Variants in ZFPM2 observed in about 807,000 individuals in gnomAD.
ZFPM2 encodes the protein zinc finger protein ZFPM2.
ZFPM2 carries 20 observed loss-of-function variants against 98.6 expected under a neutral mutation model. That is an observed-to-expected ratio of 0.20 (90% CI 0.14 to 0.29). ZFPM2 has a LOEUF of 0.29. Among genes scored for constraint, ZFPM2 ranks in the 10% least tolerant of loss-of-function variants. The pLI, the probability that ZFPM2 is intolerant of heterozygous loss-of-function variation, is 1.00. For synonymous variants in ZFPM2, 518 were observed against 502.7 expected (o/e 1.03, Z -0.41); for missense variants, 1,310 against 1,388.6 (o/e 0.94, Z 0.90).
chr8:105,350,620 G>T (rs1196919570), intron 1 of ZFPM2, among the ~76,000 whole-genome samples: 1 of 152,098 alleles, frequency 6.6e-6, no homozygotes, highest in Non-Finnish European at 1.5e-5. Flanking sequence ...AAACTTGGTA[G>T]GCAATTGTAA....
chr8:105,660,153 T>A (rs189649424), intron 5 of ZFPM2, among the ~76,000 whole-genome samples: 144 of 152,048 alleles, frequency 9.5e-4, no homozygotes, highest in African/African-American at 3.2e-3. Context: ...TTTTTTTTTT[T>A]ATTAAACTTA....
At chr8:105,511,067 T>A (rs1467017996) in intron 3 of ZFPM2, among the ~76,000 whole-genome samples, 3 of 152,180 alleles carry the variant, frequency 2.0e-5, no homozygotes, top group African/African-American at 7.2e-5. Flanking sequence ...CACTCAGGAA[T>A]GCTGTCTCTG....
chr8:105,575,109 A>T (rs1362306231), intron 4 of ZFPM2, among the ~76,000 whole-genome samples: 1 of 152,194 alleles, frequency 6.6e-6, no homozygotes, highest in Non-Finnish European at 1.5e-5. Flanking sequence ...AGACATGTGC[A>T]CAAGTGTCCC....
chr8:105,739,853 A>G (rs746692033), intron 5 of ZFPM2, among the ~76,000 whole-genome samples: 6 of 152,048 alleles, frequency 3.9e-5, no homozygotes, highest in Non-Finnish European at 7.4e-5. Flanking sequence ...AAGAAAAGCA[A>G]TGCCCATACA....
In ZFPM2 at chr8:105,623,497, T is replaced by G. The variant is rs141085388; in HGVS notation, c.421-10749T>G. 4.3e-3 allele frequency among the ~76,000 whole-genome samples: 648 copies of G among 152,310 alleles called. 24 individuals are homozygous for G. Among genetic ancestry groups the G allele is most frequent in the Admixed American group, 0.039 (600 of 15,278 alleles). ...AAAATTGTATATTTGCTTTTAAAATTTACTATATTAATATCGGGATTCAGA... is the reference window on the plus strand; with the variant it reads ...AAAATTGTATATTTGCTTTTAAAATGTACTATATTAATATCGGGATTCAGA... On this transcript the variant is annotated intron_variant, in intron 4 of 7. Transcript: ENST00000407775.
intron 3 of ZFPM2, among the ~76,000 whole-genome samples, chr8:105,557,628 A>G (rs1815028401): frequency 6.6e-6 from 1 of 152,236 alleles, no homozygotes; most frequent in African/African-American, 2.4e-5. Context: ...ATCCAGGTTC[A>G]GGCTTGTTTT....
At chr8:105,324,487 C>G (rs549854658) in intron 1 of ZFPM2, among the ~76,000 whole-genome samples, 1 of 151,578 alleles carries the variant, frequency 6.6e-6, no homozygotes, top group African/African-American at 2.4e-5. Context: ...AAAAAAGAAA[C>G]GAAAGTCTAA....
chr8:105,491,298 A>G (rs1157358794), intron 3 of ZFPM2, among the ~76,000 whole-genome samples: 2 of 151,722 alleles, frequency 1.3e-5, no homozygotes, highest in Admixed American at 6.6e-5. Context: ...TAAGAAGCAC[A>G]ATAATAATAA....
chr8:105,323,329 CAAAT>C (rs1812061977), intron 1 of ZFPM2, among the ~76,000 whole-genome samples: 1 of 151,468 alleles, frequency 6.6e-6, no homozygotes, highest in Non-Finnish European at 1.5e-5. Context: ...TGTTTTGAAA[CAAAT>C]AAGTTATTTT....
At chr8:105,628,750 A>T (rs1433654769) in intron 4 of ZFPM2, among the ~76,000 whole-genome samples, 1 of 151,998 alleles carries the variant, frequency 6.6e-6, no homozygotes, top group Non-Finnish European at 1.5e-5. Context: ...ACTGAGAGCC[A>T]CTTTCGTAGA....
chr8:105,579,269 C>T (rs779903288), intron 4 of ZFPM2, among the ~76,000 whole-genome samples: 27 of 151,956 alleles, frequency 1.8e-4, no homozygotes, highest in East Asian at 3.9e-4. Flanking sequence ...TATTTCTGTT[C>T]GTAATTTGTC....
intron 3 of ZFPM2, among the ~76,000 whole-genome samples, chr8:105,526,071 T>C (rs998071631): frequency 5.3e-5 from 8 of 152,222 alleles, no homozygotes; most frequent in Non-Finnish European, 8.8e-5. Context: ...TAATGTATTA[T>C]ATTTTTATAG....
intron 5 of ZFPM2, among the ~76,000 whole-genome samples, chr8:105,690,724 A>T (rs1810860036): frequency 6.6e-6 from 1 of 152,132 alleles, no homozygotes; most frequent in Non-Finnish European, 1.5e-5. Context: ...GTCTTTTATG[A>T]GCCACCAAAC....
intron 3 of ZFPM2, among the ~76,000 whole-genome samples, chr8:105,478,340 G>GA (rs896813144): frequency 7.4e-4 from 113 of 152,248 alleles, no homozygotes; most frequent in African/African-American, 2.5e-3. Context: ...AAATTGTACT[G>GA]AAAAAATGCT....
At chr8:105,799,742 T>A (rs1314828078) in intron 7 of ZFPM2, among the ~76,000 whole-genome samples, 1 of 152,194 alleles carries the variant, frequency 6.6e-6, no homozygotes, top group Admixed American at 6.6e-5. Context: ...TGGGACAAAC[T>A]AGGGACTGAG....
At chr8:105,789,377 TTCCAATTTCATC>T in intron 6 of ZFPM2, among the ~76,000 whole-genome samples, 1 of 152,228 alleles carries the variant, frequency 6.6e-6, no homozygotes, top group African/African-American at 2.4e-5. Flanking sequence ...GAATGATGAT[TTCCAATTTCATC>T]CATGTCCCTA....
intron 1 of ZFPM2, among the ~76,000 whole-genome samples, chr8:105,359,364 T>C (rs1298089123): frequency 8.4e-6 from 1 of 119,094 alleles, no homozygotes; most frequent in Non-Finnish European, 1.9e-5. Flanking sequence ...TTTCTTTTTC[T>C]TTCTTTTTTT....
At chr8:105,406,239 T>C (rs1811455977) in intron 1 of ZFPM2, among the ~76,000 whole-genome samples, 1 of 152,150 alleles carries the variant, frequency 6.6e-6, no homozygotes, top group African/African-American at 2.4e-5. Flanking sequence ...CTGTTCACTC[T>C]GATGGTAGTT....
rs548213150 is a variant in ZFPM2, at chr8:105,405,518, G to C, written c.41-13626G>C. Among the ~76,000 whole-genome samples, 12 of 149,742 alleles carry C rather than the reference G, an allele frequency of 8.0e-5. No individual in the cohort carries two copies. The East Asian group carries it at 2.2e-3, about 28-fold the overall frequency. On this transcript the variant is annotated intron_variant, in intron 1 of 7. Coordinates refer to ENST00000407775, the MANE Select transcript of ZFPM2 (RefSeq NM_012082.4). The stretch of plus-strand genomic sequence containing the variant: ...TTGTTCAATTCCCACCTGTGAGTGA[G>C]AACATGCAGTCTTTGGTTTTTTGTC...
Sources: gnomAD v4.1 joint callset for allele counts (sites outside exome capture counted in the v4.1 genomes callset) on GRCh38, gnomAD v4.1.1 for gene constraint, MANE v1.5 for transcripts, NCBI Gene and HGNC (gene_info 2026-07-23, HGNC 2026-07-21) for gene names.